The following CDH13 variants were observed in gnomAD, a reference collection of about 807,000 sequenced individuals.
CDH13 encodes the protein cadherin-13.
In CDH13, 24 loss-of-function variants were observed where a neutral mutation model predicts 63.8. That is an observed-to-expected ratio of 0.38 (90% CI 0.27 to 0.53). The LOEUF is 0.53. Ranked by LOEUF, CDH13 falls within the 20% of genes least tolerant of loss-of-function variation. CDH13 has a pLI of 0.85. For missense variants in CDH13, 1,049 were observed against 903.1 expected (o/e 1.16, Z -2.07); for synonymous variants, 503 against 355.3 (o/e 1.42, Z -4.67).
intron 2 of CDH13, among the ~76,000 whole-genome samples, chr16:82,920,305 G>C (rs900676911): frequency 6.6e-6 from 1 of 152,162 alleles, no homozygotes; most frequent in Non-Finnish European, 1.5e-5. Context: ...ATAATGCAAA[G>C]GTAGTTGCCA....
chr16:83,502,577 A>G (rs7195246), intron 7 of CDH13, among the ~76,000 whole-genome samples: 46,453 of 151,980 alleles, frequency 0.31, 7,729 homozygotes, highest in African/African-American at 0.45. Flanking sequence ...AACCTTTTTT[A>G]TATGGTTTGT....
intron 6 of CDH13, among the ~76,000 whole-genome samples, chr16:83,404,749 C>T (rs55840217): frequency 0.082 from 12,500 of 152,230 alleles, 586 homozygotes; most frequent in South Asian, 0.12. Context: ...AAGAAACAAA[C>T]ATGTATATCC....
At chr16:83,703,395 A>G (rs1187274841) in intron 10 of CDH13, among the ~76,000 whole-genome samples, 1 of 152,242 alleles carries the variant, frequency 6.6e-6, no homozygotes, top group Non-Finnish European at 1.5e-5. Flanking sequence ...GTGTCCAACA[A>G]TAGGAGGCTG....
At chr16:83,769,185 C>G (rs747017182) in intron 11 of CDH13, among the ~76,000 whole-genome samples, 7 of 152,150 alleles carry the variant, frequency 4.6e-5, no homozygotes, top group African/African-American at 7.2e-5. Context: ...TCATGCTGAT[C>G]CTGTTCCCCT....
At chr16:83,589,609 G>C (rs191576637) in intron 7 of CDH13, among the ~76,000 whole-genome samples, 2 of 152,092 alleles carry the variant, frequency 1.3e-5, no homozygotes, top group African/African-American at 4.8e-5. Flanking sequence ...GTGTGCCATA[G>C]AAGATACGAG....
chr16:83,659,374 C>G (rs546753599), intron 8 of CDH13, among the ~76,000 whole-genome samples: 2 of 151,528 alleles, frequency 1.3e-5, no homozygotes, highest in East Asian at 3.9e-4. Context: ...CCCATGTCCT[C>G]ACCACCAGGT....
intron 11 of CDH13, among the ~76,000 whole-genome samples, chr16:83,773,507 T>A (rs1914894860): frequency 6.6e-6 from 1 of 152,028 alleles, no homozygotes; most frequent in Admixed American, 6.6e-5. Flanking sequence ...TATAAAACCA[T>A]CCGATCTCAT....
chr16:83,443,735 AATAT>A (rs1192288855), intron 6 of CDH13, among the ~76,000 whole-genome samples: 574 of 19,808 alleles, frequency 0.029, 2 homozygotes, highest in South Asian at 0.08. Flanking sequence ...AAAAAAAAAA[AATAT>A]ATATATATAT....
chr16:83,162,676 T>C (rs1341338748), intron 4 of CDH13, among the ~76,000 whole-genome samples: 2 of 151,926 alleles, frequency 1.3e-5, no homozygotes, highest in South Asian at 2.1e-4. Flanking sequence ...TCAAAATGCA[T>C]AAAGAAGGCC....
chr16:83,367,665 T>C (rs2091283743), intron 6 of CDH13, among the ~76,000 whole-genome samples: 1 of 152,222 alleles, frequency 6.6e-6, no homozygotes, highest in Admixed American at 6.5e-5. Flanking sequence ...TTATTATTGG[T>C]CTTTTATTAT....
chr16:82,811,601 A>G (rs867310310), intron 1 of CDH13, among the ~76,000 whole-genome samples: 1 of 152,188 alleles, frequency 6.6e-6, no homozygotes, highest in Non-Finnish European at 1.5e-5. Context: ...CCATTGAAAG[A>G]GCCTCTGAAC....
At chr16:82,888,359 T>C (rs2151217241) in intron 2 of CDH13, among the ~76,000 whole-genome samples, 1 of 152,322 alleles carries the variant, frequency 6.6e-6, no homozygotes, top group Middle Eastern at 3.4e-3. Context: ...GCCTGTGGGT[T>C]GCCTGTGACT....
intron 1 of CDH13, among the ~76,000 whole-genome samples, chr16:82,821,854 C>G (rs1237423804): frequency 6.6e-6 from 1 of 152,158 alleles, no homozygotes. Context: ...GAGGGAAGAA[C>G]AAGGGCTTGA....
chr16:82,670,362 C>G (rs907031583), intron 1 of CDH13, among the ~76,000 whole-genome samples: 1 of 152,222 alleles, frequency 6.6e-6, no homozygotes, highest in South Asian at 2.1e-4. Context: ...TCTTCCTTCT[C>G]TCCACCTTCC....
chr16:83,174,269 C>T (rs1191203173), intron 4 of CDH13, among the ~76,000 whole-genome samples: 1 of 152,048 alleles, frequency 6.6e-6, no homozygotes, highest in Admixed American at 6.6e-5. Context: ...CTTTACAATC[C>T]ATCCCTTCCA....
At chr16:83,164,430 C>G (rs772265111) in intron 4 of CDH13, among the ~76,000 whole-genome samples, 4 of 152,042 alleles carry the variant, frequency 2.6e-5, no homozygotes, top group Non-Finnish European at 4.4e-5. Context: ...TATTGAAAAA[C>G]TAGAGTGTCT....
At chr16:82,670,459 G>A (rs915592059) in intron 1 of CDH13, among the ~76,000 whole-genome samples, 2 of 152,160 alleles carry the variant, frequency 1.3e-5, no homozygotes, top group African/African-American at 4.8e-5. Context: ...AGCAATTCTG[G>A]AATTAATAAA....
intron 4 of CDH13, among the ~76,000 whole-genome samples, chr16:83,197,818 TCA>T (rs58704316): frequency 0.84 from 124,599 of 149,068 alleles, 51,962 homozygotes; most frequent in Admixed American, 0.86. Flanking sequence ...TCTGACACAT[TCA>T]CACACACACA....
intron 5 of CDH13, among the ~76,000 whole-genome samples, chr16:83,244,125 C>T (rs1004194026): frequency 6.6e-6 from 1 of 151,852 alleles, no homozygotes; most frequent in African/African-American, 2.4e-5. Context: ...TTTTTTTCAG[C>T]ATCCATTTAT....
Sources: allele counts gnomAD v4.1 joint callset (sites outside exome capture counted in the v4.1 genomes callset), GRCh38; gene constraint gnomAD v4.1.1; transcripts MANE v1.5; gene names NCBI Gene and HGNC (gene_info 2026-07-23, HGNC 2026-07-21).